DLGAP1: variants seen among roughly 807,000 people sequenced by gnomAD.
DLGAP1 encodes DLG associated protein 1.
A neutral mutation model predicts 90.8 loss-of-function variants in DLGAP1; 11 were observed. The ratio of observed to expected loss-of-function variants is 0.12; its 90% CI spans 0.08 to 0.20. The LOEUF is 0.20. DLGAP1 is among the 10% of genes least tolerant of loss of function. DLGAP1 has a pLI of 1.00. For synonymous variants in DLGAP1, 558 were observed against 540.7 expected, an observed-to-expected ratio of 1.03 and a Z score of -0.44; for missense variants, 1,050 against 1,333.8, an observed-to-expected ratio of 0.79 and a Z score of 3.31.
intron 2 of DLGAP1, among the ~76,000 whole-genome samples, chr18:4,112,647 A>T (rs2075994358): frequency 6.6e-6 from 1 of 152,140 alleles, no homozygotes; most frequent in South Asian, 2.1e-4. Context: ...TAGGGTATAC[A>T]TGTGCAGGTT....
intron 1 of DLGAP1, among the ~76,000 whole-genome samples, chr18:4,165,127 C>T (rs2076911384): frequency 6.6e-6 from 1 of 152,104 alleles, no homozygotes; most frequent in African/African-American, 2.4e-5. Context: ...TACACATATT[C>T]ACAGAGTCAA....
intron 1 of DLGAP1, among the ~76,000 whole-genome samples, chr18:4,224,468 C>T (rs540320573): frequency 6.6e-6 from 1 of 152,268 alleles, no homozygotes; most frequent in South Asian, 2.1e-4. Flanking sequence ...TGGGAACCCA[C>T]ATCCCTGAAG....
At chr18:3,867,433 T>C (rs1236247308) in intron 4 of DLGAP1, among the ~76,000 whole-genome samples, 2 of 152,076 alleles carry the variant, frequency 1.3e-5, no homozygotes, top group African/African-American at 4.8e-5. Flanking sequence ...GGGGAAAGTA[T>C]TGCTGAGCTC....
intron 5 of DLGAP1, among the ~76,000 whole-genome samples, chr18:3,810,390 G>A (rs2066772915): frequency 6.6e-6 from 1 of 152,184 alleles, no homozygotes; most frequent in Non-Finnish European, 1.5e-5. Context: ...AAGTGTAGGA[G>A]TGCCTTCTCT....
In DLGAP1 at chr18:3,656,082, A is replaced by G; in HGVS notation, c.1591+73053T>C. The G allele has an allele frequency of 1.9e-6, 3 of 1,545,338 alleles. 1 individual carries two copies. The South Asian group carries it at 3.6e-5, about 19-fold the overall frequency. ...ATTGATTTTGTGGTTGTAAAAACATACCTTCAACTGCAGAACTCAGTTTTA... is the reference window on the plus strand; with the variant it reads ...ATTGATTTTGTGGTTGTAAAAACATGCCTTCAACTGCAGAACTCAGTTTTA... On this transcript the variant is annotated intron_variant, in intron 7 of 12. Coordinates refer to ENST00000315677, the MANE Select transcript of DLGAP1 (RefSeq NM_004746.4).
intron 1 of DLGAP1, among the ~76,000 whole-genome samples, chr18:4,298,203 C>T (rs1420965306): frequency 6.6e-6 from 1 of 152,168 alleles, no homozygotes; most frequent in Non-Finnish European, 1.5e-5. Context: ...AAAGTCAGCC[C>T]TTTCTAGATG....
chr18:4,182,522 A>G (rs2077226525), intron 1 of DLGAP1, among the ~76,000 whole-genome samples: 1 of 152,024 alleles, frequency 6.6e-6, no homozygotes, highest in African/African-American at 2.4e-5. Context: ...TCACTTCTCT[A>G]AGCATTGACT....
intron 5 of DLGAP1, among the ~76,000 whole-genome samples, chr18:3,800,090 C>G (rs1055177012): frequency 1.3e-5 from 2 of 152,178 alleles, no homozygotes; most frequent in Non-Finnish European, 2.9e-5. Context: ...AGAACCCAGT[C>G]TTCCCAGCAG....
chr18:4,312,421 T>G (rs1295214536), intron 1 of DLGAP1, among the ~76,000 whole-genome samples: 1 of 152,132 alleles, frequency 6.6e-6, no homozygotes, highest in African/African-American at 2.4e-5. Flanking sequence ...ACTTAAAAAA[T>G]TTTTCAATTT....
At chr18:4,004,469 G>A (rs999009930) in intron 3 of DLGAP1, among the ~76,000 whole-genome samples, 3 of 151,880 alleles carry the variant, frequency 2.0e-5, no homozygotes, top group African/African-American at 7.3e-5. Context: ...TCATTCAGCC[G>A]CTTTCCCCAT....
intron 1 of DLGAP1, among the ~76,000 whole-genome samples, chr18:4,164,151 A>G (rs2076894130): frequency 6.6e-6 from 1 of 152,174 alleles, no homozygotes; most frequent in African/African-American, 2.4e-5. Context: ...CGCTAAACAT[A>G]ACAGTGTGAG....
chr18:4,387,167 C>G (rs2082246169), intron 1 of DLGAP1, among the ~76,000 whole-genome samples: 1 of 152,054 alleles, frequency 6.6e-6, no homozygotes, highest in African/African-American at 2.4e-5. Flanking sequence ...AATGAGGGAG[C>G]AAGGTTGAGT....
intron 3 of DLGAP1, among the ~76,000 whole-genome samples, chr18:3,890,689 T>C (rs1290670652): frequency 6.6e-6 from 1 of 152,256 alleles, no homozygotes; most frequent in Non-Finnish European, 1.5e-5. Context: ...GGAAGTATGA[T>C]GGCATTCATT....
chr18:4,033,908 T>C (rs1002823656), intron 2 of DLGAP1, among the ~76,000 whole-genome samples: 8 of 151,350 alleles, frequency 5.3e-5, no homozygotes, highest in Admixed American at 2.0e-4. Flanking sequence ...CTGGCTAATT[T>C]TTATATTTTT....
intron 2 of DLGAP1, among the ~76,000 whole-genome samples, chr18:4,119,663 C>CA (rs2076121951): frequency 6.6e-6 from 1 of 152,082 alleles, no homozygotes; most frequent in African/African-American, 2.4e-5. Context: ...CCAACTCTTC[C>CA]AAGCTAAAAA....
chr18:3,630,233 A>G (rs966018183), intron 7 of DLGAP1, among the ~76,000 whole-genome samples: 6 of 152,210 alleles, frequency 3.9e-5, no homozygotes, highest in Admixed American at 6.5e-5. Context: ...AAAAAGACTG[A>G]ATATGAGAGA....
rs145346132 is a variant in DLGAP1 at position 4,204,595 on chromosome 18, A to G, written c.-266-53308T>C. Reference sequence around the variant, plus strand: ...TCCTCACCATCAATTTCACAGTGGAAAATCCAGGCAAAGTGTTTTATTCTT... The same window carrying G: ...TCCTCACCATCAATTTCACAGTGGAGAATCCAGGCAAAGTGTTTTATTCTT... On this transcript the variant is annotated intron_variant, in intron 1 of 12. Coordinates refer to ENST00000315677, the MANE Select transcript of DLGAP1 (RefSeq NM_004746.4). 4.8e-3 allele frequency among the ~76,000 whole-genome samples: 736 copies of G among 152,280 alleles called. 3 individuals carry two copies. Among genetic ancestry groups the G allele is most frequent in the African/African-American group, 0.016 (659 of 41,546 alleles).
intron 10 of DLGAP1, among the ~76,000 whole-genome samples, chr18:3,524,285 A>C (rs776177549): frequency 6.6e-6 from 1 of 152,116 alleles, no homozygotes; most frequent in Non-Finnish European, 1.5e-5. Flanking sequence ...AATTAAAAAA[A>C]AAAGAAAGAA....
intron 7 of DLGAP1, among the ~76,000 whole-genome samples, chr18:3,685,395 C>T (rs1439410991): frequency 6.6e-6 from 1 of 151,828 alleles, no homozygotes; most frequent in Non-Finnish European, 1.5e-5. Context: ...AACCCCGTCT[C>T]TACTAAAAAA....
Sources: gnomAD v4.1 joint callset for allele counts (sites outside exome capture counted in the v4.1 genomes callset) on GRCh38, gnomAD v4.1.1 for gene constraint, MANE v1.5 for transcripts, NCBI Gene and HGNC (gene_info 2026-07-23, HGNC 2026-07-21) for gene names.